The following WDSUB1 variants were observed in gnomAD, a reference collection of about 807,000 sequenced individuals.
WDSUB1 encodes the protein WD repeat, sterile alpha motif and U-box domain containing 1.
In WDSUB1, 49 loss-of-function variants were observed where a neutral mutation model predicts 53.9. That is an observed-to-expected ratio of 0.91 (90% confidence interval 0.72 to 1.15). The LOEUF (loss-of-function observed/expected upper bound fraction) is 1.15. Among genes scored for constraint, WDSUB1 ranks in the 50% most tolerant of loss-of-function variants. The probability of loss-of-function intolerance (pLI) is 0.00; values close to 1 mark genes in which losing one functional copy is unlikely to be tolerated. For missense variants in WDSUB1, 514 were observed against 562.0 expected (o/e 0.91, Z 0.86); for synonymous variants, 194 against 200.6 (o/e 0.97, Z 0.28).
intron 2 of WDSUB1, among the ~76,000 whole-genome samples, chr2:159,280,690 C>CAAAAAAAAAAAAAAAAAAAAAAA (rs58584838): frequency 4.0e-4 from 24 of 59,540 alleles, no homozygotes; most frequent in African/African-American, 2.1e-3. Flanking sequence ...GACTCCGTCT[C>CAAAAAAAAAAAAAAAAAAAAAAA]AAAAAAAAAA....
chr2:159,254,030 T>A (rs974437803), intron 9 of WDSUB1, among the ~76,000 whole-genome samples: 2 of 152,232 alleles, frequency 1.3e-5, no homozygotes, highest in African/African-American at 4.8e-5. Flanking sequence ...TAAGAGTCCT[T>A]ATTTACTAGA....
chr2:159,280,867 T>G (rs2061650060), intron 2 of WDSUB1, among the ~76,000 whole-genome samples: 1 of 152,006 alleles, frequency 6.6e-6, no homozygotes. Flanking sequence ...AACCCAACAA[T>G]TAACACACTG....
At chr2:159,240,173 C>G (rs1034731522) in intron 10 of WDSUB1, among the ~76,000 whole-genome samples, 1 of 152,170 alleles carries the variant, frequency 6.6e-6, no homozygotes, top group African/African-American at 2.4e-5. Flanking sequence ...TATAGGGCTT[C>G]TTGCACTTAC....
intron 1 of WDSUB1, among the ~76,000 whole-genome samples, chr2:159,284,075 G>A (rs2061735225): frequency 1.3e-5 from 2 of 152,118 alleles, no homozygotes; most frequent in Non-Finnish European, 2.9e-5. Flanking sequence ...GCCTCCCAAA[G>A]TGCTGGGATA....
At chr2:159,248,765 C>T (rs1050518086) in intron 9 of WDSUB1, among the ~76,000 whole-genome samples, 2 of 152,096 alleles carry the variant, frequency 1.3e-5, no homozygotes, top group Non-Finnish European at 2.9e-5. Context: ...GGCACCATGC[C>T]CAGTTAATTT....
intron 3 of WDSUB1, among the ~76,000 whole-genome samples, chr2:159,277,866 G>A (rs1019572229): frequency 9.9e-5 from 15 of 152,006 alleles, no homozygotes; most frequent in Non-Finnish European, 1.5e-4. Context: ...ACTAAAGAAG[G>A]CACAAAGATT....
At position 159,261,872 on chromosome 2, in the gene WDSUB1, ATATATATATATATATATATATATATTTT is replaced by A. The variant is rs1399855742; in HGVS notation, c.771-2057_771-2030del. ...CATATATATATATATATATATATAT[ATATATATATATATATATATATATATTTT>A]TTTTTTTTTTTTTTTTTTTTTTTTT... On this transcript the variant is annotated intron_variant, in intron 5 of 10. Transcript: ENST00000359774. Among the ~76,000 whole-genome samples, 124 of 14,384 alleles carry A rather than the reference ATATATATATATATATATATATATATTTT, an allele frequency of 8.6e-3. 1 individual carries two copies. Among genetic ancestry groups the A allele is most frequent in the East Asian group, 0.014 (6 of 414 alleles). 9.4% of individuals were successfully genotyped at this position (14,384 alleles called of 152,430 possible). A position where few individuals can be genotyped will look rare whatever the true frequency, so the allele number is the denominator to read the frequency against.
At chr2:159,265,601 A>G (rs2061327592) in intron 5 of WDSUB1, among the ~76,000 whole-genome samples, 1 of 152,038 alleles carries the variant, frequency 6.6e-6, no homozygotes, top group African/African-American at 2.4e-5. Flanking sequence ...CCAGCTACTC[A>G]GGAGACTGAG....
At chr2:159,251,863 A>T (rs1223668440) in intron 9 of WDSUB1, among the ~76,000 whole-genome samples, 4 of 152,216 alleles carry the variant, frequency 2.6e-5, no homozygotes, top group Non-Finnish European at 5.9e-5. Context: ...CCGGAGTGAG[A>T]GCTGGGAAAT....
rs191318703 is a variant in WDSUB1 at position 159,241,014 on chromosome 2, T to G, written c.1274-4824A>C. The stretch of plus-strand genomic sequence containing the variant: ...TAGTGAAAGGCATGAAAGAGAAAAG[T>G]CTACGATGACAAATAGGAATTAGAC... On this transcript the variant is annotated intron_variant, in intron 10 of 10. Coordinates refer to ENST00000359774, the MANE Select transcript of WDSUB1 (RefSeq NM_001128212.3). Among the ~76,000 whole-genome samples the G allele has an allele frequency of 2.0e-3, 302 of 152,192 alleles. 3 individuals are homozygous for G. Among genetic ancestry groups the G allele is most frequent in the Admixed American group, 0.017 (258 of 15,288 alleles).
At chr2:159,237,276 C>G (rs567347757) in intron 10 of WDSUB1, among the ~76,000 whole-genome samples, 1 of 152,102 alleles carries the variant, frequency 6.6e-6, no homozygotes, top group Non-Finnish European at 1.5e-5. Context: ...TCCCAGCACT[C>G]TGGGAGGCCA....
At chr2:159,276,342 G>A (rs985635864) in intron 3 of WDSUB1, among the ~76,000 whole-genome samples, 3 of 152,188 alleles carry the variant, frequency 2.0e-5, no homozygotes, top group African/African-American at 4.8e-5. Flanking sequence ...TTACAGGCGT[G>A]AGCCACTGCA....
In WDSUB1 at chr2:159,271,864, A is replaced by T. The variant is rs1171181095; in HGVS notation, c.677-69T>A. On this transcript the variant is annotated intron_variant, in intron 4 of 10. Transcript: ENST00000359774. The stretch of plus-strand genomic sequence containing the variant: ...TAGAATTGATTTTTAAGTCAACACC[A>T]TTTCACTTATTTATTTAACAAATAA... The T allele has an allele frequency of 9.9e-6, 12 of 1,215,232 alleles. No individual in the cohort carries two copies. In the South Asian group the frequency reaches 1.6e-4, roughly 16 times the overall value. 75.3% of individuals were successfully genotyped at this position (1,215,232 alleles called of 1,614,324 possible). A position where few individuals can be genotyped will look rare whatever the true frequency, so the allele number is the denominator to read the frequency against.
At chr2:159,237,659 G>C (rs1036065429) in intron 10 of WDSUB1, among the ~76,000 whole-genome samples, 3 of 152,108 alleles carry the variant, frequency 2.0e-5, no homozygotes, top group African/African-American at 4.8e-5. Flanking sequence ...TGTGCACACA[G>C]TACATATACA....
intron 3 of WDSUB1, 86 bp downstream of exon 3, chr2:159,279,675 T>TA: frequency 8.1e-7 from 1 of 1,241,206 alleles, no homozygotes; most frequent in Non-Finnish European, 1.1e-6. Context: ...AATGATAACA[T>TA]AAAAAAGAAT....
At chr2:159,241,712 C>CTTTTTTTT (rs1180259583) in intron 10 of WDSUB1, among the ~76,000 whole-genome samples, 1 of 95,994 alleles carries the variant, frequency 1.0e-5, no homozygotes, top group Non-Finnish European at 2.5e-5. Context: ...GGGATGTTTT[C>CTTTTTTTT]TTTTTTCTTT....
At chr2:159,268,350 TCAA>T (rs1261611899) in intron 5 of WDSUB1, among the ~76,000 whole-genome samples, 1 of 152,178 alleles carries the variant, frequency 6.6e-6, no homozygotes, top group Non-Finnish European at 1.5e-5. Context: ...CAGACAGAGT[TCAA>T]CTTTATTTGT....
At chr2:159,252,919 T>C (rs1348137486) in intron 9 of WDSUB1, among the ~76,000 whole-genome samples, 5 of 152,240 alleles carry the variant, frequency 3.3e-5, no homozygotes, top group Non-Finnish European at 5.9e-5. Context: ...TTGATAATTA[T>C]CTGAATTTCA....
intron 5 of WDSUB1, among the ~76,000 whole-genome samples, chr2:159,260,979 G>T (rs956393944): frequency 3.3e-5 from 5 of 152,162 alleles, no homozygotes; most frequent in African/African-American, 4.8e-5. Flanking sequence ...ACTGACTACA[G>T]AATCTTTGTC....
Sources: allele counts gnomAD v4.1 joint callset (sites outside exome capture counted in the v4.1 genomes callset), GRCh38; gene constraint gnomAD v4.1.1; transcripts MANE v1.5; gene names NCBI Gene and HGNC (gene_info 2026-07-23, HGNC 2026-07-21).